MACROD2: variants seen among roughly 807,000 people sequenced by gnomAD.
MACROD2 encodes the protein ADP-ribose glycohydrolase MACROD2.
In MACROD2, 36 loss-of-function variants were observed where a neutral mutation model predicts 70.4. The ratio of observed to expected loss-of-function variants is 0.51; its 90% CI spans 0.39 to 0.68. The LOEUF (loss-of-function observed/expected upper bound fraction) is 0.68. Among genes scored for constraint, MACROD2 ranks in the 30% least tolerant of loss-of-function variants. The probability of loss-of-function intolerance (pLI) is 0.00; values close to 1 mark genes in which losing one functional copy is unlikely to be tolerated. For missense variants in MACROD2, 496 were observed against 538.4 expected, an observed-to-expected ratio of 0.92 and a Z score of 0.78; for synonymous variants, 172 against 178.8, an observed-to-expected ratio of 0.96 and a Z score of 0.30.
At chr20:15,303,456 C>T (rs576525272) in intron 6 of MACROD2, among the ~76,000 whole-genome samples, 5 of 152,280 alleles carry the variant, frequency 3.3e-5, no homozygotes, top group Non-Finnish European at 5.9e-5. Flanking sequence ...TTGCCCTAGA[C>T]GTTCATGTCA....
intron 6 of MACROD2, among the ~76,000 whole-genome samples, chr20:15,269,113 A>T (rs1489567960): frequency 3.3e-5 from 5 of 152,230 alleles, no homozygotes; most frequent in African/African-American, 1.2e-4. Context: ...TATATTGTTA[A>T]ATGATTTCAT....
At chr20:14,197,401 G>C (rs2081441254) in intron 3 of MACROD2, among the ~76,000 whole-genome samples, 1 of 152,186 alleles carries the variant, frequency 6.6e-6, no homozygotes, top group African/African-American at 2.4e-5. Flanking sequence ...TCTTGCAAGT[G>C]AATTTTTAAA....
At chr20:15,489,533 C>G (rs1314911140) in intron 7 of MACROD2, among the ~76,000 whole-genome samples, 1 of 152,326 alleles carries the variant, frequency 6.6e-6, no homozygotes, top group Middle Eastern at 3.4e-3. Flanking sequence ...GGGCCCCACA[C>G]ACACTCTGCA....
chr20:15,082,264 A>G (rs1336731611), intron 5 of MACROD2, among the ~76,000 whole-genome samples: 1 of 152,212 alleles, frequency 6.6e-6, no homozygotes, highest in Non-Finnish European at 1.5e-5. Flanking sequence ...GTGTGTCTGA[A>G]TCTCCCCCTC....
At chr20:14,659,981 G>A (rs972121613) in intron 4 of MACROD2, among the ~76,000 whole-genome samples, 1 of 152,082 alleles carries the variant, frequency 6.6e-6, no homozygotes, top group African/African-American at 2.4e-5. Context: ...ATGTGAGGGG[G>A]CTTGTTTAGA....
At chr20:15,104,903 G>A (rs2075899417) in intron 5 of MACROD2, among the ~76,000 whole-genome samples, 1 of 152,052 alleles carries the variant, frequency 6.6e-6, no homozygotes. Flanking sequence ...AAAGACCATA[G>A]TATTGTTTTA....
intron 3 of MACROD2, among the ~76,000 whole-genome samples, chr20:14,339,940 G>A (rs1264127645): frequency 2.0e-5 from 3 of 151,978 alleles, no homozygotes; most frequent in South Asian, 4.2e-4. Context: ...TTCACTTCCC[G>A]CTCTTATCAG....
At chr20:14,041,666 G>A (rs1352921201) in intron 2 of MACROD2, among the ~76,000 whole-genome samples, 1 of 152,100 alleles carries the variant, frequency 6.6e-6, no homozygotes, top group Non-Finnish European at 1.5e-5. Context: ...TACACATAGG[G>A]GAAAGTATCT....
At chr20:14,324,901 A>T (rs2082709188) in intron 3 of MACROD2, 2 of 152,628 alleles carry the variant, frequency 1.3e-5, no homozygotes, top group African/African-American at 4.8e-5. Flanking sequence ...ATGCCAGCTG[A>T]TGTATTCAGT....
At chr20:15,958,725 C>T (rs1039497136) in intron 12 of MACROD2, among the ~76,000 whole-genome samples, 2 of 152,162 alleles carry the variant, frequency 1.3e-5, no homozygotes, top group African/African-American at 2.4e-5. Flanking sequence ...TAACCTCCAA[C>T]GTGATGGTAT....
In MACROD2 at chr20:14,548,072, TA is replaced by T. The variant is rs558006906; in HGVS notation, c.301+54566del. Among the ~76,000 whole-genome samples, 42 of 152,308 alleles carry T rather than the reference TA, an allele frequency of 2.8e-4. No individual in the cohort carries two copies. The East Asian group carries it at 7.9e-3, about 29-fold the overall frequency. ...TGGTAAAATAGACTACACCTCTTGATAAGAGGAGAGGCAAAGCCACGTCGCA... is the reference window on the plus strand; with the variant it reads ...TGGTAAAATAGACTACACCTCTTGATAGAGGAGAGGCAAAGCCACGTCGCA... On this transcript the variant is annotated intron_variant, in intron 4 of 17. Coordinates refer to ENST00000684519, the MANE Select transcript of MACROD2 (RefSeq NM_001351661.2).
chr20:15,930,914 T>C (rs1344945968), intron 10 of MACROD2, among the ~76,000 whole-genome samples: 1 of 152,242 alleles, frequency 6.6e-6, no homozygotes, highest in Non-Finnish European at 1.5e-5. Flanking sequence ...GCTGTTTTTC[T>C]TTCCCTTCTT....
intron 3 of MACROD2, among the ~76,000 whole-genome samples, chr20:14,419,183 T>A (rs1312659136): frequency 6.6e-6 from 1 of 152,140 alleles, no homozygotes; most frequent in South Asian, 2.1e-4. Flanking sequence ...GCCTCCTAAG[T>A]AGCTGGGATT....
At chr20:14,184,749 G>C (rs748340302) in intron 3 of MACROD2, among the ~76,000 whole-genome samples, 1 of 152,112 alleles carries the variant, frequency 6.6e-6, no homozygotes. Flanking sequence ...CACCTTCCTA[G>C]TTAGCTGTAC....
chr20:15,969,165 A>G (rs2147414063), intron 13 of MACROD2, among the ~76,000 whole-genome samples: 1 of 152,246 alleles, frequency 6.6e-6, no homozygotes, highest in South Asian at 2.1e-4. Flanking sequence ...CAATCCTCAC[A>G]TTAGGTTAAG....
chr20:14,554,054 T>G (rs1978854954), intron 4 of MACROD2, among the ~76,000 whole-genome samples: 1 of 152,116 alleles, frequency 6.6e-6, no homozygotes, highest in East Asian at 1.9e-4. Flanking sequence ...TTTAATCCCT[T>G]CATTTGCCAG....
intron 3 of MACROD2, among the ~76,000 whole-genome samples, chr20:14,450,752 C>G (rs796598261): frequency 5.9e-5 from 9 of 152,108 alleles, no homozygotes; most frequent in African/African-American, 2.2e-4. Flanking sequence ...AAAAATACTT[C>G]ATGAACAATT....
intron 6 of MACROD2, among the ~76,000 whole-genome samples, chr20:15,263,923 G>GT (rs972291177): frequency 9.2e-5 from 14 of 151,964 alleles, no homozygotes; most frequent in African/African-American, 2.7e-4. Context: ...AGTTCTAATA[G>GT]TTTTTTTGGT....
chr20:14,225,501 C>T (rs1569214489), intron 3 of MACROD2, among the ~76,000 whole-genome samples: 2 of 152,170 alleles, frequency 1.3e-5, no homozygotes, highest in Non-Finnish European at 2.9e-5. Context: ...ATATGATTCT[C>T]ACAGTGTCCT....
Sources: allele counts gnomAD v4.1 joint callset (sites outside exome capture counted in the v4.1 genomes callset), GRCh38; gene constraint gnomAD v4.1.1; transcripts MANE v1.5; gene names NCBI Gene and HGNC (gene_info 2026-07-23, HGNC 2026-07-21).